CACNA1D: variants seen among roughly 807,000 people sequenced by gnomAD.
The protein encoded by CACNA1D is calcium voltage-gated channel subunit alpha1 D.
In CACNA1D, 55 loss-of-function variants were observed where a neutral mutation model predicts 257.1. That is an observed-to-expected ratio of 0.21 (90% confidence interval 0.17 to 0.27). The LOEUF (loss-of-function observed/expected upper bound fraction) is 0.27. Ranked by LOEUF, CACNA1D falls within the 10% of genes least tolerant of loss-of-function variation. The pLI, the probability that CACNA1D is intolerant of heterozygous loss-of-function variation, is 1.00. For missense variants in CACNA1D, 1,876 were observed against 2,784.0 expected (o/e 0.67, Z 7.34); for synonymous variants, 980 against 1,014.9 (o/e 0.97, Z 0.65).
At chr3:53,505,119 T>G (rs1305183342) in intron 3 of CACNA1D, among the ~76,000 whole-genome samples, 7 of 145,116 alleles carry the variant, frequency 4.8e-5, no homozygotes, top group African/African-American at 1.3e-4. Flanking sequence ...TTATTTGTTT[T>G]TTTTTTTTTT....
At position 53,723,332 on chromosome 3, in the gene CACNA1D, G is replaced by GT. The variant is rs1168353692; in HGVS notation, c.1667-101dup. On this transcript the variant is annotated intron_variant, in intron 12 of 47. Coordinates refer to ENST00000350061, the MANE Select transcript of CACNA1D (RefSeq NM_001128840.3). This position sits in a 1 kb window ranked among gnomAD's most constrained non-coding sequence, Gnocchi z 5.6. ...GTGAAGAGAGAGACAAGGTATTGGC[G>GT]TATTTCCTGTGGGGCCTGATAGGGA... 7 of 846,350 alleles carry GT rather than the reference G, an allele frequency of 8.3e-6. 1 individual carries two copies. The highest frequency in any genetic ancestry group is 1.4e-5 in the Non-Finnish European group (7 of 486,234). The allele number at this position is 846,350 out of a possible 1,614,324, so 52.4% of individuals were successfully genotyped here. A position where few individuals can be genotyped will look rare whatever the true frequency, so the allele number is the denominator to read the frequency against.
At chr3:53,754,787 A>G (rs1325146952) in intron 29 of CACNA1D, among the ~76,000 whole-genome samples, 1 of 152,208 alleles carries the variant, frequency 6.6e-6, no homozygotes, top group Non-Finnish European at 1.5e-5. Context: ...ATCTGACGAC[A>G]CTGATTTAAT....
At chr3:53,571,362 C>T (rs2092939777) in intron 3 of CACNA1D, among the ~76,000 whole-genome samples, 1 of 152,204 alleles carries the variant, frequency 6.6e-6, no homozygotes, top group African/African-American at 2.4e-5. Context: ...AAACACTTTT[C>T]TCCACCCACA....
rs2094859880 is a variant in CACNA1D at position 53,719,632 on chromosome 3, G to A, written c.1479-123G>A. The A allele has an allele frequency of 1.3e-5, 12 of 891,246 alleles. No individual in the cohort carries two copies. In the Admixed American group the frequency reaches 2.0e-4, roughly 15 times the overall value. 55.2% of individuals were successfully genotyped at this position (891,246 alleles called of 1,614,324 possible). A position where few individuals can be genotyped will look rare whatever the true frequency, so the allele number is the denominator to read the frequency against. On this transcript the variant is annotated intron_variant, in intron 10 of 47. Transcript: ENST00000350061. ...GCCTTGCCCCTGCTGGCCTGCTGTG[G>A]TAACCAGGGGTGCTAAGTCCAGGCT...
chr3:53,769,327 C>T (rs1045759863), intron 30 of CACNA1D, among the ~76,000 whole-genome samples: 6 of 152,236 alleles, frequency 3.9e-5, no homozygotes, highest in Non-Finnish European at 8.8e-5. Context: ...AAGACTCATA[C>T]GGACCTGCAC....
At chr3:53,509,286 T>G (rs1358494921) in intron 3 of CACNA1D, among the ~76,000 whole-genome samples, 1 of 151,728 alleles carries the variant, frequency 6.6e-6, no homozygotes. Flanking sequence ...CCTCTGTGTG[T>G]GTGTGTGTGT....
chr3:53,665,849 A>T (rs542225485), intron 6 of CACNA1D, 37 bp downstream of exon 6: 36 of 1,584,342 alleles, frequency 2.3e-5, no homozygotes, highest in Middle Eastern at 3.4e-4. Context: ...TAACTTTAAA[A>T]TTTTTTTGTT....
At chr3:53,586,268 C>G (rs1377022135) in intron 3 of CACNA1D, among the ~76,000 whole-genome samples, 1 of 141,876 alleles carries the variant, frequency 7.0e-6, no homozygotes, top group African/African-American at 2.7e-5. Flanking sequence ...CGTTTCCTTG[C>G]CTCTATTCTG....
intron 19 of CACNA1D, 123 bp from the exon 20 acceptor site, chr3:53,735,251 T>A: frequency 1.1e-6 from 1 of 951,620 alleles, no homozygotes; most frequent in Non-Finnish European, 1.7e-6. Flanking sequence ...GCAGGGTGCA[T>A]GGGCAGCACA....
chr3:53,543,223 C>T (rs2092342357), intron 3 of CACNA1D, among the ~76,000 whole-genome samples: 5 of 151,884 alleles, frequency 3.3e-5, no homozygotes, highest in African/African-American at 1.2e-4. Flanking sequence ...CAAAAACTCC[C>T]CACAAACCAG....
intron 32 of CACNA1D, among the ~76,000 whole-genome samples, chr3:53,772,105 T>C (rs2095369429): frequency 6.6e-6 from 1 of 152,192 alleles, no homozygotes; most frequent in South Asian, 2.1e-4. Flanking sequence ...AAGACAGCAG[T>C]TGACATTCAG....
In CACNA1D at chr3:53,749,307, C is replaced by T. The variant is rs1238337737; in HGVS notation, c.3354C>T (p.Ile1118=). The T allele has an allele frequency of 1.3e-5, 21 of 1,613,902 alleles. No homozygotes were observed. The highest frequency in any genetic ancestry group is 1.6e-5 in the Non-Finnish European group (19 of 1,179,810). ...YKAIDSNGEN[I]GPIYNHRVEI... ...CCATCGACTCGAATGGAGAGAACAT[C>T]GGCCCAATCTACAACCACCGCGTGG... Residue 1118 remains isoleucine, a synonymous_variant, in exon 27 of 48, where the codon ATC becomes ATT. Coordinates refer to ENST00000350061, the MANE Select transcript of CACNA1D (RefSeq NM_001128840.3).
rs779332713 is a variant in CACNA1D at position 53,793,356 on chromosome 3, T to C, written c.4923+6404T>C. Among the ~76,000 whole-genome samples the C allele has an allele frequency of 3.0e-4, 46 of 152,196 alleles. No homozygotes were observed. Among genetic ancestry groups the C allele is most frequent in the Non-Finnish European group, 5.7e-4 (39 of 68,030 alleles). On this transcript the variant is annotated intron_variant, in intron 40 of 47. Transcript: ENST00000350061. This position sits in a 1 kb window ranked among gnomAD's most constrained non-coding sequence, Gnocchi z 4.1. Reference sequence around the variant, plus strand: ...CGTCAGTCCTGTGGGGGTCCGTCAGTCCCTCTGTCTGTCTTTGACCCACCC... The same window carrying C: ...CGTCAGTCCTGTGGGGGTCCGTCAGCCCCTCTGTCTGTCTTTGACCCACCC...
chr3:53,769,960 T>C lies in CACNA1D; in HGVS notation c.3871-13T>C. ...GGTTCATTAATCCATTTTCAATCTT[T>C]GATTTCTTAAAGCCAACTGAAAGTG... On this transcript the variant is annotated splice_polypyrimidine_tract_variant and intron_variant, in intron 30 of 47. Transcript: ENST00000350061. The C allele has an allele frequency of 1.2e-6, 2 of 1,606,646 alleles. No homozygotes were observed. The highest frequency in any genetic ancestry group is 1.3e-5 in the African/African-American group (1 of 74,928).
chr3:53,554,076 G>A (rs1317325330), intron 3 of CACNA1D, among the ~76,000 whole-genome samples: 2 of 151,808 alleles, frequency 1.3e-5, no homozygotes, highest in African/African-American at 2.4e-5. Context: ...GGTGCCTATA[G>A]TCCCAGCTAC....
chr3:53,536,252 A>C (rs1159029172), intron 3 of CACNA1D, among the ~76,000 whole-genome samples: 1 of 152,198 alleles, frequency 6.6e-6, no homozygotes, highest in Admixed American at 6.5e-5. Flanking sequence ...TGTAATTAAT[A>C]ACAGGGGAGG....
chr3:53,757,122 C>T (rs2095270437), intron 29 of CACNA1D, among the ~76,000 whole-genome samples: 2 of 152,184 alleles, frequency 1.3e-5, no homozygotes, highest in Admixed American at 1.3e-4. Context: ...CCTTCAAGGG[C>T]TCTGTTCGCT....
chr3:53,564,171 CT>C (rs1170908078), intron 3 of CACNA1D, among the ~76,000 whole-genome samples: 1 of 150,952 alleles, frequency 6.6e-6, no homozygotes, highest in African/African-American at 2.4e-5. Flanking sequence ...ACTGGTTTGT[CT>C]TTTTTTTTGA....
At position 53,723,739 on chromosome 3, in the gene CACNA1D, C is replaced by T; in HGVS notation, c.1893-53C>T. 1 of 1,582,376 alleles carries T rather than the reference C, an allele frequency of 6.3e-7. No individual in the cohort carries two copies. The highest frequency in any genetic ancestry group is 2.2e-5 in the East Asian group (1 of 44,724). ...GTCACATCCCCGGGCAGGTGATGTT[C>T]TGCTCTGTCCTGCATGGGTGTTCTG... On this transcript the variant is annotated intron_variant, in intron 13 of 47. Coordinates refer to ENST00000350061, the MANE Select transcript of CACNA1D (RefSeq NM_001128840.3). The surrounding 1 kb of genome is among the most constrained non-coding windows in gnomAD (Gnocchi z 5.6).
Sources: gnomAD v4.1 joint callset for allele counts (sites outside exome capture counted in the v4.1 genomes callset) on GRCh38, gnomAD v4.1.1 for gene constraint, Gnocchi (gnomAD v3.1) non-coding constraint, MANE v1.5 for transcripts, NCBI Gene and HGNC (gene_info 2026-07-23, HGNC 2026-07-21) for gene names.